DNAJC6: variants seen among roughly 807,000 people sequenced by gnomAD.
The protein encoded by DNAJC6 is DnaJ heat shock protein family (Hsp40) member C6.
In DNAJC6, 34 loss-of-function variants were observed where a neutral mutation model predicts 110.0. That is an observed-to-expected ratio of 0.31 (90% confidence interval 0.24 to 0.41). The LOEUF (loss-of-function observed/expected upper bound fraction) is 0.41. Ranked by LOEUF, DNAJC6 falls within the 10% of genes least tolerant of loss-of-function variation. DNAJC6 has a pLI of 1.00. For missense variants in DNAJC6, 1,031 were observed against 1,207.8 expected, an observed-to-expected ratio of 0.85 and a Z score of 2.17; for synonymous variants, 406 against 437.2, an observed-to-expected ratio of 0.93 and a Z score of 0.89.
At chr1:65,339,625 G>A (rs908324190) in intron 1 of DNAJC6, among the ~76,000 whole-genome samples, 2 of 152,122 alleles carry the variant, frequency 1.3e-5, no homozygotes, top group Admixed American at 6.6e-5. Context: ...ACTGTGTATG[G>A]AGTCTTCTTT....
At chr1:65,327,297 G>A (rs1033037300) in intron 1 of DNAJC6, among the ~76,000 whole-genome samples, 2 of 152,174 alleles carry the variant, frequency 1.3e-5, no homozygotes, top group Non-Finnish European at 2.9e-5. Flanking sequence ...ACCTAGTAAG[G>A]AGGAGGATAT....
intron 1 of DNAJC6, among the ~76,000 whole-genome samples, chr1:65,319,629 A>T (rs550061381): frequency 6.6e-6 from 1 of 150,634 alleles, no homozygotes; most frequent in Non-Finnish European, 1.5e-5. Flanking sequence ...TGGAAAAAAT[A>T]AAAAAAACAA....
chr1:65,301,119 G>A lies in DNAJC6; in HGVS notation c.-131+36187G>A, dbSNP rs74083021. 6.0e-3 allele frequency among the ~76,000 whole-genome samples: 906 copies of A among 152,228 alleles called. 8 individuals are homozygous for A. The highest frequency in any genetic ancestry group is 0.02 in the African/African-American group (815 of 41,530). On this transcript the variant is annotated intron_variant, in intron 1 of 19. Transcript: ENST00000263441. ...GTTTTCTTCAAGACTGAGAGAAGTC[G>A]ATCACAGAACCAGCCCACTTGAGAA...
At chr1:65,324,887 T>G (rs556480594) in intron 1 of DNAJC6, among the ~76,000 whole-genome samples, 1 of 152,190 alleles carries the variant, frequency 6.6e-6, no homozygotes, top group African/African-American at 2.4e-5. Flanking sequence ...CAAAGAACTT[T>G]CCTGCCCAAA....
At chr1:65,392,288 G>A in intron 11 of DNAJC6, 143 bp from the exon 12 acceptor site, 1 of 715,904 alleles carries the variant, frequency 1.4e-6, no homozygotes, top group South Asian at 2.2e-5. Context: ...TACATCAAGT[G>A]TTCCACTGAT....
intron 1 of DNAJC6, among the ~76,000 whole-genome samples, chr1:65,358,781 C>A (rs1404320377): frequency 2.6e-5 from 4 of 152,148 alleles, no homozygotes; most frequent in African/African-American, 9.7e-5. Context: ...GAAAAAAATA[C>A]ATCATTTATA....
intron 1 of DNAJC6, among the ~76,000 whole-genome samples, chr1:65,296,566 TATTC>T (rs1223649968): frequency 6.6e-6 from 1 of 151,228 alleles, no homozygotes; most frequent in Non-Finnish European, 1.5e-5. Flanking sequence ...TGGCAGTAGT[TATTC>T]ATTCATTCGA....
chr1:65,307,637 C>T (rs1645057090), upstream of DNAJC6, among the ~76,000 whole-genome samples: 1 of 151,982 alleles, frequency 6.6e-6, no homozygotes, highest in South Asian at 2.1e-4. Flanking sequence ...ATGATGAACA[C>T]TAGGTATTTA....
intron 4 of DNAJC6, among the ~76,000 whole-genome samples, chr1:65,366,866 TG>T (rs1280129253): frequency 6.6e-6 from 1 of 152,226 alleles, no homozygotes; most frequent in African/African-American, 2.4e-5. Flanking sequence ...ATAAATAGAA[TG>T]GACTTTCTAT....
At chr1:65,337,403 C>T (rs1477939539) in intron 1 of DNAJC6, among the ~76,000 whole-genome samples, 1 of 151,598 alleles carries the variant, frequency 6.6e-6, no homozygotes, top group African/African-American at 2.4e-5. Context: ...AGGAAAAAGG[C>T]TTGATTCTTA....
intron 1 of DNAJC6, among the ~76,000 whole-genome samples, chr1:65,272,196 T>C (rs1009707406): frequency 6.6e-5 from 10 of 152,228 alleles, no homozygotes; most frequent in Admixed American, 6.5e-4. Flanking sequence ...GTGGGATTTA[T>C]ATGGACACTT....
chr1:65,364,616 T>TG lies in DNAJC6; in HGVS notation c.194-19_194-18insG. 7.4e-7 allele frequency: 1 copy of TG among 1,357,638 alleles called. No homozygotes were observed. The highest frequency in any genetic ancestry group is 9.5e-7 in the Non-Finnish European group (1 of 1,048,900). 84.1% of individuals were successfully genotyped at this position (1,357,638 alleles called of 1,614,324 possible). A position where few individuals can be genotyped will look rare whatever the true frequency, so the allele number is the denominator to read the frequency against. On this transcript the variant is annotated intron_variant, in intron 1 of 18. Transcript: ENST00000371069. ...GCCATCACCATTTTTGTTTGTTTGT[T>TG]TTTTTTTTTTTTTGGCAGGTGCCTC... is the stretch of plus-strand genomic sequence containing the variant.
At chr1:65,273,128 T>G (rs923263085) in intron 1 of DNAJC6, among the ~76,000 whole-genome samples, 1 of 152,190 alleles carries the variant, frequency 6.6e-6, no homozygotes, top group Non-Finnish European at 1.5e-5. Flanking sequence ...ACTGGTTAAT[T>G]TTTTGTATTA....
chr1:65,356,180 T>C (rs969541594), intron 1 of DNAJC6, among the ~76,000 whole-genome samples: 3 of 152,120 alleles, frequency 2.0e-5, no homozygotes, highest in Non-Finnish European at 4.4e-5. Flanking sequence ...ATGTTATCTT[T>C]TTTTCTCTGA....
intron 4 of DNAJC6, among the ~76,000 whole-genome samples, chr1:65,372,146 GGTGTGTGTGTGTGTGTGTGT>G (rs59816601): frequency 7.1e-6 from 1 of 140,998 alleles, no homozygotes; most frequent in Non-Finnish European, 1.6e-5. Flanking sequence ...TGACATTTGG[GGTGTGTGTGTGTGTGTGTGT>G]GTGTGTGTGT....
intron 14 of DNAJC6, among the ~76,000 whole-genome samples, chr1:65,399,891 T>C (rs36067635): frequency 0.44 from 67,274 of 151,846 alleles, 15,614 homozygotes; most frequent in Middle Eastern, 0.58. Context: ...ATTTAAAAAT[T>C]TTTTTTGGCT....
chr1:65,296,586 CTT>C (rs11393548), intron 1 of DNAJC6, among the ~76,000 whole-genome samples: 3 of 123,516 alleles, frequency 2.4e-5, no homozygotes, highest in African/African-American at 6.1e-5. Flanking sequence ...TTCGACACAT[CTT>C]TTTTTTTTTT....
At chr1:65,288,674 C>G (rs375094979) in intron 1 of DNAJC6, among the ~76,000 whole-genome samples, 7 of 152,284 alleles carry the variant, frequency 4.6e-5, no homozygotes, top group African/African-American at 1.2e-4. Flanking sequence ...TAGTTCCTGA[C>G]AACCCTCCAA....
chr1:65,268,330 A>T (rs1238025655), intron 1 of DNAJC6, among the ~76,000 whole-genome samples: 2 of 152,236 alleles, frequency 1.3e-5, no homozygotes, highest in Non-Finnish European at 1.5e-5. Context: ...CATATCTCAA[A>T]ATGTTTTGCA....
Sources: allele counts gnomAD v4.1 joint callset (sites outside exome capture counted in the v4.1 genomes callset), GRCh38; gene constraint gnomAD v4.1.1; transcripts MANE v1.5; gene names NCBI Gene and HGNC (gene_info 2026-07-23, HGNC 2026-07-21).